The following MTCL3 variants were observed in gnomAD, a reference collection of about 807,000 sequenced individuals.
The protein encoded by MTCL3 is MTCL family member 3, also known as microtubule cross-linking factor 3.
At chr6:127,501,975 A>G in the MTCL3 span, among the ~76,000 whole-genome samples, 2 of 152,228 alleles carry the variant, frequency 1.3e-5, no homozygotes, top group Non-Finnish European at 2.9e-5. Context: ...CATTATATTT[A>G]CTCAAAAGTA....
the MTCL3 span, among the ~76,000 whole-genome samples, chr6:127,485,948 G>A: frequency 4.6e-5 from 7 of 152,150 alleles, no homozygotes; most frequent in African/African-American, 1.7e-4. Flanking sequence ...ACAAACTGTT[G>A]TAGGAGTAAA....
the MTCL3 span, among the ~76,000 whole-genome samples, chr6:127,474,329 G>C: frequency 6.6e-6 from 1 of 152,020 alleles, no homozygotes; most frequent in African/African-American, 2.4e-5. Context: ...CTAGGCTGGA[G>C]GGCAGTGGTG....
At chr6:127,514,306 G>C in the MTCL3 span, among the ~76,000 whole-genome samples, 1 of 152,164 alleles carries the variant, frequency 6.6e-6, no homozygotes, top group African/African-American at 2.4e-5. Flanking sequence ...TAAGTGGCAA[G>C]TGCAGAAAGG....
the MTCL3 span, among the ~76,000 whole-genome samples, chr6:127,486,256 C>G: frequency 6.6e-6 from 1 of 152,136 alleles, no homozygotes; most frequent in South Asian, 2.1e-4. Context: ...GTAAAGCCTT[C>G]CCCTTGAATA....
chr6:127,473,194 A>G, the MTCL3 span: 1 of 1,344,368 alleles, frequency 7.4e-7, no homozygotes, highest in South Asian at 2.1e-5. Flanking sequence ...TTACTACAGA[A>G]ATTATACTTC....
chr6:127,508,713 G>A, the MTCL3 span, among the ~76,000 whole-genome samples: 2 of 152,164 alleles, frequency 1.3e-5, no homozygotes, highest in Admixed American at 6.5e-5. Flanking sequence ...TTGCTCTTCT[G>A]TTGGTGAATT....
the MTCL3 span, among the ~76,000 whole-genome samples, chr6:127,473,566 CT>C: frequency 6.6e-6 from 1 of 152,164 alleles, no homozygotes; most frequent in African/African-American, 2.4e-5. Context: ...TTCTCTCACT[CT>C]AATTTCTATT....
the MTCL3 span, among the ~76,000 whole-genome samples, chr6:127,482,713 T>A: frequency 6.6e-6 from 1 of 152,236 alleles, no homozygotes; most frequent in Admixed American, 6.5e-5. This position sits in a 1 kb window ranked among gnomAD's most constrained non-coding sequence, Gnocchi z 4.1. Flanking sequence ...AAAGCAATTA[T>A]AATAGGGATG....
At chr6:127,512,563 C>A in the MTCL3 span, among the ~76,000 whole-genome samples, 1 of 152,146 alleles carries the variant, frequency 6.6e-6, no homozygotes, top group South Asian at 2.1e-4. Context: ...TCAACTATCA[C>A]AAGTCTCATT....
the MTCL3 span, chr6:127,512,790 G>T: frequency 8.8e-7 from 1 of 1,142,568 alleles, no homozygotes; most frequent in Non-Finnish European, 1.2e-6. Flanking sequence ...AAATTGTCCT[G>T]CAATCATAAA....
At chr6:127,476,503 A>G in the MTCL3 span, 1 of 1,486,352 alleles carries the variant, frequency 6.7e-7, no homozygotes, top group Non-Finnish European at 9.0e-7. This position sits in a 1 kb window ranked among gnomAD's most constrained non-coding sequence, Gnocchi z 4.4. Flanking sequence ...AGGATAGGAG[A>G]TCATTTTTAT....
chr6:127,474,846 T>C, the MTCL3 span, among the ~76,000 whole-genome samples: 5 of 152,132 alleles, frequency 3.3e-5, no homozygotes, highest in Admixed American at 6.5e-5. Context: ...CCTAGTCTAG[T>C]CATTTTTTTT....
At chr6:127,517,068 T>TA in the MTCL3 span, among the ~76,000 whole-genome samples, 1 of 152,218 alleles carries the variant, frequency 6.6e-6, no homozygotes, top group Non-Finnish European at 1.5e-5. Flanking sequence ...ATCCATATAT[T>TA]AGAGTTGTCA....
the MTCL3 span, among the ~76,000 whole-genome samples, chr6:127,508,475 GATCT>G: frequency 3.3e-5 from 5 of 152,076 alleles, no homozygotes; most frequent in African/African-American, 4.8e-5. Flanking sequence ...TAATAGATAA[GATCT>G]ATTATACCAA....
chr6:127,488,150 G>A, the MTCL3 span, among the ~76,000 whole-genome samples: 1 of 152,052 alleles, frequency 6.6e-6, no homozygotes, highest in Non-Finnish European at 1.5e-5. Flanking sequence ...GCCCTTGTTT[G>A]GGGCCTTTGG....
chr6:127,516,081 G>A, the MTCL3 span: 5 of 1,498,924 alleles, frequency 3.3e-6, no homozygotes, highest in African/African-American at 2.9e-5. Flanking sequence ...CCCCGGAGCC[G>A]CCGCCGGCTC....
the MTCL3 span, among the ~76,000 whole-genome samples, chr6:127,477,776 T>A: frequency 6.6e-6 from 1 of 152,148 alleles, no homozygotes; most frequent in African/African-American, 2.4e-5. Flanking sequence ...TTCCATATAG[T>A]ATTAAATACT....
the MTCL3 span, among the ~76,000 whole-genome samples, chr6:127,491,357 C>A: frequency 6.6e-6 from 1 of 152,226 alleles, no homozygotes; most frequent in Non-Finnish European, 1.5e-5. Flanking sequence ...GCCACTCCAA[C>A]TTTTGGCAAC....
chr6:127,488,498 G>C, the MTCL3 span, among the ~76,000 whole-genome samples: 4 of 152,272 alleles, frequency 2.6e-5, no homozygotes, highest in East Asian at 7.7e-4. Flanking sequence ...ACACAAAGTA[G>C]TTGTTTAGTC....
Sources: allele counts gnomAD v4.1 joint callset (sites outside exome capture counted in the v4.1 genomes callset), GRCh38; gene constraint gnomAD v4.1.1; non-coding constraint Gnocchi (gnomAD v3.1); transcripts MANE v1.5; gene names NCBI Gene and HGNC (gene_info 2026-07-23, HGNC 2026-07-21).